The following PLCB1 variants were observed in gnomAD, a reference collection of about 807,000 sequenced individuals.
The protein encoded by PLCB1 is phospholipase C beta 1.
In PLCB1, 46 loss-of-function variants were observed where a neutral mutation model predicts 161.8. The observed-to-expected ratio is 0.28, with a 90% confidence interval of 0.22 to 0.36. PLCB1 has a LOEUF of 0.36. Ranked by LOEUF, PLCB1 falls within the 10% of genes least tolerant of loss-of-function variation. The probability of loss-of-function intolerance (pLI) is 1.00; values close to 1 mark genes in which losing one functional copy is unlikely to be tolerated. For synonymous variants in PLCB1, 517 were observed against 503.7 expected (o/e 1.03, Z -0.35); for missense variants, 1,016 against 1,472.5 (o/e 0.69, Z 5.07).
intron 10 of PLCB1, among the ~76,000 whole-genome samples, chr20:8,688,035 G>T (rs1037762730): frequency 6.6e-6 from 1 of 152,176 alleles, no homozygotes; most frequent in African/African-American, 2.4e-5. Context: ...ATTGTTGCAA[G>T]AGTAAGGTGG....
At chr20:8,443,181 C>T (rs1980649821) in intron 3 of PLCB1, among the ~76,000 whole-genome samples, 2 of 152,002 alleles carry the variant, frequency 1.3e-5, no homozygotes, top group Admixed American at 6.6e-5. Flanking sequence ...GGGGTTTCAC[C>T]ATATTGGTCA....
intron 2 of PLCB1, among the ~76,000 whole-genome samples, chr20:8,339,783 T>G (rs1046811480): frequency 3.9e-5 from 6 of 152,148 alleles, no homozygotes; most frequent in Non-Finnish European, 7.4e-5. Flanking sequence ...TTCTTGTCTA[T>G]AAAATGGGGA....
intron 2 of PLCB1, among the ~76,000 whole-genome samples, chr20:8,208,647 T>C (rs1476589863): frequency 3.3e-5 from 5 of 152,088 alleles, no homozygotes; most frequent in Non-Finnish European, 1.5e-5. Flanking sequence ...GGAGTGCTCT[T>C]GGAATATAAA....
At chr20:8,831,912 CTCTTTCTTTCTTT>C (rs1986006606) in intron 31 of PLCB1, among the ~76,000 whole-genome samples, 3 of 58,572 alleles carry the variant, frequency 5.1e-5, no homozygotes, top group Non-Finnish European at 7.1e-5. Flanking sequence ...CTCTTTCTTT[CTCTTTCTTTCTTT>C]CTTTCTTTCT....
At chr20:8,440,332 A>G (rs962722541) in intron 3 of PLCB1, among the ~76,000 whole-genome samples, 3 of 152,190 alleles carry the variant, frequency 2.0e-5, no homozygotes, top group Admixed American at 6.6e-5. Context: ...GGTGATGGGA[A>G]ATAAGGATGT....
chr20:8,414,011 TTAAC>T (rs1442081042), intron 3 of PLCB1, among the ~76,000 whole-genome samples: 4 of 152,160 alleles, frequency 2.6e-5, no homozygotes, highest in African/African-American at 9.7e-5. Flanking sequence ...CTCTAACAGA[TTAAC>T]TGAGAAGAAA....
At chr20:8,179,727 A>T (rs1349333433) in intron 2 of PLCB1, among the ~76,000 whole-genome samples, 1 of 151,796 alleles carries the variant, frequency 6.6e-6, no homozygotes, top group Non-Finnish European at 1.5e-5. Context: ...TTCTTGTCCC[A>T]GTTCTCAAGG....
intron 2 of PLCB1, among the ~76,000 whole-genome samples, chr20:8,337,394 A>G (rs1264876906): frequency 6.6e-6 from 1 of 152,214 alleles, no homozygotes. Flanking sequence ...ATGATGCAAA[A>G]TAAGATGTCA....
chr20:8,715,750 CCTCT>C (rs1979271285), intron 12 of PLCB1: 1 of 153,696 alleles, frequency 6.5e-6, no homozygotes, highest in Non-Finnish European at 1.4e-5. Context: ...AGATTCTCTC[CCTCT>C]CTTTTTCTCT....
chr20:8,724,527 A>G (rs995732674), intron 15 of PLCB1, 129 bp from the exon 16 acceptor site: 1 of 662,842 alleles, frequency 1.5e-6, no homozygotes. Flanking sequence ...ATGAATTTTC[A>G]TTTTGTAATT....
intron 2 of PLCB1, among the ~76,000 whole-genome samples, chr20:8,335,276 C>T (rs139072899): frequency 6.6e-6 from 1 of 152,094 alleles, no homozygotes; most frequent in African/African-American, 2.4e-5. Context: ...GATGTCTCAC[C>T]CAGCCAGGGC....
intron 4 of PLCB1, among the ~76,000 whole-genome samples, chr20:8,639,017 T>C (rs1325981064): frequency 6.6e-6 from 1 of 151,986 alleles, no homozygotes; most frequent in Non-Finnish European, 1.5e-5. Flanking sequence ...GAAGGTAGTG[T>C]TGTGGGTGCC....
chr20:8,745,959 T>C (rs1482786914), intron 23 of PLCB1, among the ~76,000 whole-genome samples: 1 of 152,180 alleles, frequency 6.6e-6, no homozygotes, highest in African/African-American at 2.4e-5. Flanking sequence ...TGAGACAGAG[T>C]CTCGCTCTGT....
chr20:8,642,761 TA>T (rs1663211514), intron 4 of PLCB1, among the ~76,000 whole-genome samples: 1 of 152,214 alleles, frequency 6.6e-6, no homozygotes. Context: ...TCTGTGTAGT[TA>T]AATCTCCCCA....
intron 31 of PLCB1, among the ~76,000 whole-genome samples, chr20:8,844,730 C>T (rs531104890): frequency 6.6e-6 from 1 of 152,156 alleles, no homozygotes; most frequent in Non-Finnish European, 1.5e-5. Flanking sequence ...AAGTGAAATT[C>T]TAGTACACTT....
chr20:8,848,236 T>A lies in PLCB1; in HGVS notation c.3424-33386T>A, dbSNP rs76044822. ...AAGGTCTGGAAGAGTCCCAAGAACA[T>A]GAGCTTATGATCCTACGGAGTTAGG... On this transcript the variant is annotated intron_variant, in intron 31 of 31. Coordinates refer to ENST00000338037, the MANE Select transcript of PLCB1 (RefSeq NM_015192.4). 2.8e-3 allele frequency among the ~76,000 whole-genome samples: 426 copies of A among 152,134 alleles called. 3 individuals are homozygous for A. Among genetic ancestry groups the A allele is most frequent in the African/African-American group, 9.2e-3 (380 of 41,514 alleles).
chr20:8,816,203 C>T (rs892220954), intron 31 of PLCB1, among the ~76,000 whole-genome samples: 1 of 151,964 alleles, frequency 6.6e-6, no homozygotes, highest in African/African-American at 2.4e-5. Context: ...AAAGAGAAAA[C>T]CAAGGGAGGT....
intron 3 of PLCB1, among the ~76,000 whole-genome samples, chr20:8,444,149 C>T (rs1198005201): frequency 1.3e-5 from 2 of 152,046 alleles, no homozygotes; most frequent in Non-Finnish European, 2.9e-5. Flanking sequence ...ATTAACTCGT[C>T]ATTTACATTA....
intron 3 of PLCB1, among the ~76,000 whole-genome samples, chr20:8,442,303 G>A (rs957906937): frequency 1.3e-5 from 2 of 152,192 alleles, no homozygotes; most frequent in Non-Finnish European, 2.9e-5. Context: ...GGGCCGGCAG[G>A]TTTCGTTGTC....
Sources: gnomAD v4.1 joint callset for allele counts (sites outside exome capture counted in the v4.1 genomes callset) on GRCh38, gnomAD v4.1.1 for gene constraint, MANE v1.5 for transcripts, NCBI Gene and HGNC (gene_info 2026-07-23, HGNC 2026-07-21) for gene names.